Variants in NARS2 observed in about 807,000 individuals in gnomAD.
The protein encoded by NARS2 is asparaginyl-tRNA synthetase.
Under a neutral mutation model 62.9 loss-of-function variants are expected in NARS2, and 60 were observed. The ratio of observed to expected loss-of-function variants is 0.95; its 90% CI spans 0.77 to 1.18. The LOEUF (loss-of-function observed/expected upper bound fraction) is 1.18, where lower values mean the gene tolerates loss of function less well. Among genes scored for constraint, NARS2 ranks in the 50% most tolerant of loss-of-function variants. The probability of loss-of-function intolerance (pLI) is 0.00; values close to 1 mark genes in which losing one functional copy is unlikely to be tolerated. For synonymous variants in NARS2, 196 were observed against 200.0 expected, an observed-to-expected ratio of 0.98 and a Z score of 0.17; for missense variants, 619 against 576.4, an observed-to-expected ratio of 1.07 and a Z score of -0.76.
At chr11:78,514,104 TACCA>T (rs1342592948) in intron 6 of NARS2, among the ~76,000 whole-genome samples, 10 of 152,170 alleles carry the variant, frequency 6.6e-5, no homozygotes, top group Non-Finnish European at 1.0e-4. Flanking sequence ...CCTATTTTCC[TACCA>T]ATTACCCAGT....
chr11:78,534,808 G>C (rs776454829), intron 5 of NARS2, among the ~76,000 whole-genome samples: 1 of 152,128 alleles, frequency 6.6e-6, no homozygotes, highest in East Asian at 1.9e-4. Context: ...AAATATGGGA[G>C]ATACCTAAAT....
intron 5 of NARS2, among the ~76,000 whole-genome samples, chr11:78,548,559 C>T (rs1019573194): frequency 1.3e-5 from 2 of 152,206 alleles, no homozygotes; most frequent in Non-Finnish European, 2.9e-5. Context: ...TGCTTCTGCA[C>T]ACTGTTTTAC....
intron 6 of NARS2, among the ~76,000 whole-genome samples, chr11:78,516,513 T>G (rs1168122733): frequency 6.6e-6 from 1 of 152,222 alleles, no homozygotes; most frequent in Non-Finnish European, 1.5e-5. Flanking sequence ...ATCACACTCC[T>G]AATTTCTCGT....
chr11:78,448,605 C>T (rs376121554), intron 11 of NARS2, among the ~76,000 whole-genome samples: 3 of 152,114 alleles, frequency 2.0e-5, no homozygotes, highest in East Asian at 3.9e-4. Flanking sequence ...ACCACTGTGC[C>T]CGGCAGTAAT....
intron 11 of NARS2, among the ~76,000 whole-genome samples, chr11:78,454,403 C>T (rs556455017): frequency 9.2e-5 from 14 of 152,242 alleles, no homozygotes; most frequent in Admixed American, 6.5e-4. Flanking sequence ...TCTATTAGTT[C>T]ACATGAGAAC....
At chr11:78,520,023 A>G (rs983115019) in intron 6 of NARS2, among the ~76,000 whole-genome samples, 4 of 152,068 alleles carry the variant, frequency 2.6e-5, no homozygotes, top group African/African-American at 9.7e-5. Flanking sequence ...AAACAGTTAT[A>G]TTTATAAAAA....
At chr11:78,453,167 A>G (rs768382918) in intron 11 of NARS2, among the ~76,000 whole-genome samples, 1 of 152,242 alleles carries the variant, frequency 6.6e-6, no homozygotes, top group Non-Finnish European at 1.5e-5. Context: ...ACAGGTAACA[A>G]TGGAGACTAC....
chr11:78,469,370 G>A (rs1476814697), intron 9 of NARS2, 57 bp from the exon 10 acceptor site: 30 of 1,328,624 alleles, frequency 2.3e-5, no homozygotes, highest in Non-Finnish European at 3.1e-5. Context: ...CTGCTAACTA[G>A]TTCATTTTAA....
chr11:78,443,670 C>T lies in NARS2; in HGVS notation c.1253G>A (p.Arg418His), dbSNP rs535877562. Reference sequence around the variant, plus strand: ...TAGGTCTGACCAGTACCTGGCTAAGCGCTCCTCTAAGAAATGGTATCGTTC... The same window carrying T: ...TAGGTCTGACCAGTACCTGGCTAAGTGCTCCTCTAAGAAATGGTATCGTTC... The part of the protein sequence containing the change: ...REERYHFLEE[R>H]LARSGLTEVY... The change falls in exon 12 of 14, where the codon CGC (arginine) becomes CAC (histidine). Residue 418 changes from arginine (R) to histidine (H), a missense_variant. Arg to His is a conservative substitution (Grantham distance 29). Transcript: ENST00000281038. The T allele has an allele frequency of 4.4e-5, 71 of 1,611,160 alleles. No individual in the cohort carries two copies. The highest frequency in any genetic ancestry group is 4.4e-4 in the African/African-American group (33 of 74,940).
intron 10 of NARS2, among the ~76,000 whole-genome samples, chr11:78,468,947 T>G (rs1858750153): frequency 6.6e-6 from 1 of 152,076 alleles, no homozygotes; most frequent in Non-Finnish European, 1.5e-5. Context: ...AGTAATAGTC[T>G]ATGATTATCT....
chr11:78,442,840 C>T (rs568378983), intron 12 of NARS2, among the ~76,000 whole-genome samples: 28 of 152,244 alleles, frequency 1.8e-4, no homozygotes, highest in African/African-American at 6.5e-4. Context: ...TAAAGTTATT[C>T]AAATAGCTAA....
intron 4 of NARS2, among the ~76,000 whole-genome samples, chr11:78,560,928 T>G (rs1283362698): frequency 6.6e-6 from 1 of 151,994 alleles, no homozygotes; most frequent in Non-Finnish European, 1.5e-5. Flanking sequence ...ACTATGAACA[T>G]GAGTGCAGTA....
intron 9 of NARS2, among the ~76,000 whole-genome samples, chr11:78,473,508 T>C (rs1858961553): frequency 6.6e-6 from 1 of 152,202 alleles, no homozygotes; most frequent in Non-Finnish European, 1.5e-5. Context: ...GGGTACAAAC[T>C]TCAAGTTTGG....
intron 6 of NARS2, among the ~76,000 whole-genome samples, chr11:78,507,197 G>T (rs549647564): frequency 1.5e-5 from 2 of 137,304 alleles, no homozygotes; most frequent in Non-Finnish European, 3.0e-5. Context: ...AAGAGCCAGC[G>T]GACTTCTCCA....
chr11:78,467,670 T>C (rs766395178), intron 10 of NARS2, among the ~76,000 whole-genome samples: 2 of 151,872 alleles, frequency 1.3e-5, no homozygotes, highest in Non-Finnish European at 2.9e-5. Flanking sequence ...ATGGGGCAAA[T>C]GAGGTGATAT....
intron 6 of NARS2, among the ~76,000 whole-genome samples, chr11:78,526,047 T>A (rs539207998): frequency 2.0e-5 from 3 of 152,062 alleles, no homozygotes; most frequent in African/African-American, 7.2e-5. Flanking sequence ...GTACCCTGAA[T>A]TGGATCCTGG....
chr11:78,539,879 C>T (rs1191077119), intron 5 of NARS2, among the ~76,000 whole-genome samples: 2 of 152,196 alleles, frequency 1.3e-5, no homozygotes, highest in Admixed American at 6.5e-5. Flanking sequence ...AACAAAACCA[C>T]GTGGATTTGA....
At position 78,469,248 on chromosome 11, in the gene NARS2, T is replaced by A. The variant is rs1408362901; in HGVS notation, c.1025A>T (p.Glu342Val). Residue 342 changes from glutamate to valine, a missense_variant and splice_region_variant, in exon 10 of 14, where the codon GAG becomes GTG. By Grantham distance (121) the Glu-to-Val change is moderately radical. Coordinates refer to ENST00000281038, the MANE Select transcript of NARS2 (RefSeq NM_024678.6). ...ATATACATACACACAAAATACTACCTCTGGGGTAAAGGTGAAGTTCTGGGA... is the reference window on the plus strand; with the variant it reads ...ATATACATACACACAAAATACTACCACTGGGGTAAAGGTGAAGTTCTGGGA... ...QASQNFTFTP[E>V]WGADLRTEHE... The A allele has an allele frequency of 1.2e-5, 20 of 1,604,218 alleles. No homozygotes were observed. The Admixed American group carries it at 3.2e-4, about 25-fold the overall frequency.
intron 6 of NARS2, among the ~76,000 whole-genome samples, chr11:78,512,005 C>T (rs979819626): frequency 1.3e-5 from 2 of 152,102 alleles, no homozygotes; most frequent in Non-Finnish European, 2.9e-5. Context: ...CTCCAGGAAC[C>T]CCAGAAGGGG....
Sources: gnomAD v4.1 joint callset for allele counts (sites outside exome capture counted in the v4.1 genomes callset) on GRCh38, gnomAD v4.1.1 for gene constraint, MANE v1.5 for transcripts, NCBI Gene and HGNC (gene_info 2026-07-23, HGNC 2026-07-21) for gene names.